The following PRKCZ variants were observed in gnomAD, a reference collection of about 807,000 sequenced individuals.
The protein encoded by PRKCZ is protein kinase C zeta.
A neutral mutation model predicts 79.5 loss-of-function variants in PRKCZ; 33 were observed. The observed-to-expected ratio is 0.41, with a 90% CI of 0.31 to 0.55. PRKCZ has a LOEUF of 0.55. Among genes scored for constraint, PRKCZ ranks in the 20% least tolerant of loss-of-function variants. PRKCZ has a pLI of 0.19. For missense variants in PRKCZ, 578 were observed against 813.5 expected, an observed-to-expected ratio of 0.71 and a Z score of 3.52; for synonymous variants, 342 against 320.9, an observed-to-expected ratio of 1.07 and a Z score of -0.70.
intron 4 of PRKCZ, chr1:2,135,007 C>T (rs1348746546): frequency 2.1e-5 from 7 of 341,448 alleles, no homozygotes; most frequent in South Asian, 1.2e-4. Flanking sequence ...GGATCCTGTC[C>T]GCCCTGCGAG....
At position 2,082,361 on chromosome 1, in the gene PRKCZ, C is replaced by T. The variant is rs747007743; in HGVS notation, c.334+22770C>T. ...CACCTCTTTCAAGTTGCCGGCTACC[C>T]GGCTGCCGTAGACAGAGTGAAGTCT... is the stretch of plus-strand genomic sequence containing the variant. On this transcript the variant is annotated intron_variant, in intron 4 of 17. Coordinates refer to ENST00000378567, the MANE Select transcript of PRKCZ (RefSeq NM_002744.6). This position sits in a 1 kb window ranked among gnomAD's most constrained non-coding sequence, Gnocchi z 4.4. 5.0e-5 allele frequency: 23 copies of T among 455,764 alleles called. No individual in the cohort carries two copies. The Middle Eastern group carries it at 1.3e-3, about 26-fold the overall frequency. The allele number at this position is 455,764 out of a possible 1,614,324, so 28.2% of individuals were successfully genotyped here. A position where few individuals can be genotyped will look rare whatever the true frequency, so the allele number is the denominator to read the frequency against.
chr1:2,053,584 G>A (rs1188733252), intron 1 of PRKCZ, among the ~76,000 whole-genome samples: 1 of 152,212 alleles, frequency 6.6e-6, no homozygotes, highest in Non-Finnish European at 1.5e-5. Flanking sequence ...AGGGTTGGAG[G>A]TGGTGGCCTG....
chr1:2,112,916 T>C (rs1170969193), intron 4 of PRKCZ, among the ~76,000 whole-genome samples: 1 of 152,238 alleles, frequency 6.6e-6, no homozygotes, highest in Non-Finnish European at 1.5e-5. Context: ...GGTCTCGAAC[T>C]CCTGACCTCA....
intron 4 of PRKCZ, among the ~76,000 whole-genome samples, chr1:2,090,272 A>G (rs1291080132): frequency 6.6e-6 from 1 of 152,200 alleles, no homozygotes. Flanking sequence ...GCACCTTGGC[A>G]AGGGGTTCCC....
At position 2,075,936 on chromosome 1, in the gene PRKCZ, G is replaced by C. The variant is rs1182728285; in HGVS notation, c.334+16345G>C. Among the ~76,000 whole-genome samples, 1 of 152,206 alleles carries C rather than the reference G, an allele frequency of 6.6e-6. No individual in the cohort carries two copies. Among genetic ancestry groups the C allele is most frequent in the Non-Finnish European group, 1.5e-5 (1 of 68,040 alleles). ...GTTTCTGATCGCCGAGGACTCAGCC[G>C]GGCACATGGAGGTTGAACTGTTGGG... is the stretch of plus-strand genomic sequence containing the variant. On this transcript the variant is annotated intron_variant, in intron 4 of 17. Transcript: ENST00000378567. The surrounding 1 kb of genome is among the most constrained non-coding windows in gnomAD (Gnocchi z 4.8).
intron 4 of PRKCZ, among the ~76,000 whole-genome samples, chr1:2,081,341 C>T (rs2102391678): frequency 6.6e-6 from 1 of 152,202 alleles, no homozygotes; most frequent in South Asian, 2.1e-4. Context: ...AGCGATGAGG[C>T]CAGACACTGG....
At chr1:2,050,230 C>CAGGTAGCCCCGCCCGAG (rs1553126682), upstream of PRKCZ, among the ~76,000 whole-genome samples, 2 of 151,810 alleles carry the variant, frequency 1.3e-5, no homozygotes, top group African/African-American at 4.8e-5. Context: ...CCCCGCCCAA[C>CAGGTAGCCCCGCCCGAG]AGGTAGCCCC....
chr1:2,146,971 C>T (rs547823942), intron 7 of PRKCZ, among the ~76,000 whole-genome samples: 2 of 151,830 alleles, frequency 1.3e-5, no homozygotes, highest in African/African-American at 2.4e-5. Context: ...CATCCACCAC[C>T]TATCCATCTA....
chr1:2,136,549 G>A (rs1340712228), intron 5 of PRKCZ, among the ~76,000 whole-genome samples: 1 of 152,158 alleles, frequency 6.6e-6, no homozygotes, highest in Non-Finnish European at 1.5e-5. Context: ...TCCAGCCAGT[G>A]TCTGGGAGGC....
Position 2,094,335 on chromosome 1 carries a change from G to T in PRKCZ, c.334+34744G>T, listed in dbSNP as rs538003679. Among the ~76,000 whole-genome samples the T allele has an allele frequency of 6.6e-6, 1 of 152,326 alleles. No homozygotes were observed. The highest frequency in any genetic ancestry group is 6.5e-5 in the Admixed American group (1 of 15,306). On this transcript the variant is annotated intron_variant, in intron 4 of 17. Coordinates refer to ENST00000378567, the MANE Select transcript of PRKCZ (RefSeq NM_002744.6). This position sits in a 1 kb window ranked among gnomAD's most constrained non-coding sequence, Gnocchi z 7.3. ...CTGGGATGCTGTGTGGTGCCCGTGGGCAGTGGCGGAGGCAGTGGCCCCGGC... is the reference window on the plus strand; with the variant it reads ...CTGGGATGCTGTGTGGTGCCCGTGGTCAGTGGCGGAGGCAGTGGCCCCGGC...
intron 4 of PRKCZ, among the ~76,000 whole-genome samples, chr1:2,122,038 T>C (rs375837972): frequency 9.5e-5 from 3 of 31,586 alleles, no homozygotes; most frequent in African/African-American, 1.7e-4. Context: ...GTTAGGTTCA[T>C]GGTGGTGGTT....
At chr1:2,058,894 GA>G (rs1425028021) in intron 3 of PRKCZ, among the ~76,000 whole-genome samples, 8 of 152,096 alleles carry the variant, frequency 5.3e-5, no homozygotes, top group Middle Eastern at 6.8e-3. Flanking sequence ...GACTCCATCT[GA>G]AAAAAACCAA....
chr1:2,056,692 A>T, intron 3 of PRKCZ, 119 bp downstream of exon 3: 1 of 773,178 alleles, frequency 1.3e-6, no homozygotes, highest in Non-Finnish European at 2.0e-6. Flanking sequence ...GAATTTAGGG[A>T]TGTCTAATAT....
chr1:2,128,857 G>A lies in PRKCZ; in HGVS notation c.335-6405G>A, dbSNP rs1054626673. Among the ~76,000 whole-genome samples, 2 of 152,146 alleles carry A rather than the reference G, an allele frequency of 1.3e-5. No homozygotes were observed. The highest frequency in any genetic ancestry group is 2.9e-5 in the Non-Finnish European group (2 of 68,018). Reference sequence around the variant, plus strand: ...AGACCCTGTTCCACAGAGGTAGCCGGGGGACTCGCGGTGCCAGGCCCACAG... The same window carrying A: ...AGACCCTGTTCCACAGAGGTAGCCGAGGGACTCGCGGTGCCAGGCCCACAG... On this transcript the variant is annotated intron_variant, in intron 4 of 17. Coordinates refer to ENST00000378567, the MANE Select transcript of PRKCZ (RefSeq NM_002744.6). This position sits in a 1 kb window ranked among gnomAD's most constrained non-coding sequence, Gnocchi z 6.5.
At chr1:2,073,778 C>T (rs1571169702) in intron 4 of PRKCZ, 2 of 1,016,224 alleles carry the variant, frequency 2.0e-6, no homozygotes, top group East Asian at 1.0e-4. Flanking sequence ...TAAATATCTG[C>T]TCCTCGCGCT....
chr1:2,142,627 T>C, intron 5 of PRKCZ: 1 of 209,402 alleles, frequency 4.8e-6, no homozygotes, highest in Non-Finnish European at 1.0e-5. Flanking sequence ...TGTGGCTCTG[T>C]CATGGCTGGG....
chr1:2,052,478 C>T (rs953127249), intron 1 of PRKCZ, among the ~76,000 whole-genome samples: 6 of 151,628 alleles, frequency 4.0e-5, no homozygotes, highest in South Asian at 2.1e-4. Context: ...CCCGCTCTCC[C>T]CTCTCTCCCT....
intron 4 of PRKCZ, among the ~76,000 whole-genome samples, chr1:2,085,661 C>A (rs555017776): frequency 6.8e-6 from 1 of 146,856 alleles, no homozygotes; most frequent in East Asian, 2.0e-4. Flanking sequence ...GGGCCCTGTT[C>A]TCAGAGCCCG....
At chr1:2,151,410 G>A (rs547744836) in intron 9 of PRKCZ, among the ~76,000 whole-genome samples, 4 of 152,370 alleles carry the variant, frequency 2.6e-5, no homozygotes, top group East Asian at 1.9e-4. Context: ...CCACTGATAC[G>A]TTGCCTTCCA....
Sources: gnomAD v4.1 joint callset for allele counts (sites outside exome capture counted in the v4.1 genomes callset) on GRCh38, gnomAD v4.1.1 for gene constraint, Gnocchi (gnomAD v3.1) non-coding constraint, MANE v1.5 for transcripts, NCBI Gene and HGNC (gene_info 2026-07-23, HGNC 2026-07-21) for gene names.